Variants in GALNTL6 observed in about 807,000 individuals in gnomAD.
GALNTL6 encodes the protein polypeptide N-acetylgalactosaminyltransferase like 6, also known as polypeptide N-acetylgalactosaminyltransferase-like 6.
A neutral mutation model predicts 73.7 loss-of-function variants in GALNTL6; 46 were observed. That is an observed-to-expected ratio of 0.62 (90% confidence interval 0.49 to 0.80). The LOEUF is 0.80. Ranked by LOEUF, GALNTL6 falls within the 30% of genes least tolerant of loss-of-function variation. The pLI is 0.00. For synonymous variants in GALNTL6, 259 were observed against 263.7 expected (o/e 0.98, Z 0.17); for missense variants, 604 against 755.0 (o/e 0.80, Z 2.34).
intron 2 of GALNTL6, among the ~76,000 whole-genome samples, chr4:172,056,488 C>T (rs547970664): frequency 6.6e-6 from 1 of 152,040 alleles, no homozygotes; most frequent in East Asian, 1.9e-4. Flanking sequence ...AGAGTACATA[C>T]GATGAATAAA....
chr4:172,634,527 G>A (rs1739561846), intron 5 of GALNTL6, among the ~76,000 whole-genome samples: 1 of 151,934 alleles, frequency 6.6e-6, no homozygotes, highest in South Asian at 2.1e-4. Context: ...TTATTTCTTA[G>A]CCTGGGTCCC....
At chr4:172,530,370 C>T (rs946563626) in intron 5 of GALNTL6, among the ~76,000 whole-genome samples, 16 of 152,176 alleles carry the variant, frequency 1.1e-4, no homozygotes, top group African/African-American at 3.9e-4. Context: ...CGCCTACCTT[C>T]TCTGTTCCTG....
intron 8 of GALNTL6, among the ~76,000 whole-genome samples, chr4:172,890,881 G>T (rs1251079212): frequency 6.6e-6 from 1 of 152,080 alleles, no homozygotes; most frequent in Non-Finnish European, 1.5e-5. Flanking sequence ...TCAATGTTTG[G>T]TGCATATAGA....
chr4:172,091,797 C>A (rs1732211756), intron 2 of GALNTL6, among the ~76,000 whole-genome samples: 1 of 151,962 alleles, frequency 6.6e-6, no homozygotes, highest in Non-Finnish European at 1.5e-5. Context: ...GCATATTTTA[C>A]AAAATTTCTG....
intron 5 of GALNTL6, among the ~76,000 whole-genome samples, chr4:172,468,372 G>T (rs1732917468): frequency 6.6e-6 from 1 of 152,110 alleles, no homozygotes; most frequent in Non-Finnish European, 1.5e-5. Context: ...GCTATATTTT[G>T]CTTAAGACTA....
chr4:172,130,239 G>A (rs76253379), intron 2 of GALNTL6, among the ~76,000 whole-genome samples: 2 of 146,126 alleles, frequency 1.4e-5, no homozygotes, highest in East Asian at 4.0e-4. Context: ...CAAGGTTGTG[G>A]TTTCCAGGCT....
chr4:172,074,551 C>CTT (rs71592047), intron 2 of GALNTL6, among the ~76,000 whole-genome samples: 11 of 150,204 alleles, frequency 7.3e-5, no homozygotes, highest in African/African-American at 1.2e-4. Flanking sequence ...GCTTTACAAA[C>CTT]TTTTTTTTTT....
intron 2 of GALNTL6, among the ~76,000 whole-genome samples, chr4:171,990,444 A>G (rs1740301021): frequency 6.6e-6 from 1 of 152,162 alleles, no homozygotes; most frequent in South Asian, 2.1e-4. Flanking sequence ...TGTGAACCCA[A>G]ACAGTGGGTT....
intron 5 of GALNTL6, among the ~76,000 whole-genome samples, chr4:172,629,946 A>T (rs1376639550): frequency 6.6e-6 from 1 of 152,162 alleles, no homozygotes; most frequent in Non-Finnish European, 1.5e-5. Context: ...TATTAGCAAT[A>T]TATTGTAAGA....
intron 7 of GALNTL6, among the ~76,000 whole-genome samples, chr4:172,874,695 C>G (rs1056478462): frequency 1.3e-5 from 2 of 152,098 alleles, no homozygotes; most frequent in Non-Finnish European, 2.9e-5. Context: ...ATTTGGGAAA[C>G]TGGGAGAGGA....
chr4:172,150,929 T>C (rs867845275), intron 2 of GALNTL6, among the ~76,000 whole-genome samples: 54 of 152,304 alleles, frequency 3.5e-4, no homozygotes, highest in African/African-American at 1.2e-3. Flanking sequence ...TGTTATAAAA[T>C]AAATAAAGTT....
At chr4:172,102,030 A>T (rs1479546820) in intron 2 of GALNTL6, among the ~76,000 whole-genome samples, 1 of 152,150 alleles carries the variant, frequency 6.6e-6, no homozygotes, top group Admixed American at 6.5e-5. Flanking sequence ...AATTAAAAGG[A>T]ATATATCTGT....
At position 172,108,325 on chromosome 4, in the gene GALNTL6, A is replaced by G. The variant is rs191595330; in HGVS notation, c.139-121331A>G. 6.6e-5 allele frequency among the ~76,000 whole-genome samples: 10 copies of G among 152,306 alleles called. No individual in the cohort carries two copies. The East Asian group carries it at 1.7e-3, about 26-fold the overall frequency. ...GGTTCTCTCTATAATAATAACCAATAGGTATAAAGAGATTTACTATAAAGA... is the reference window on the plus strand; with the variant it reads ...GGTTCTCTCTATAATAATAACCAATGGGTATAAAGAGATTTACTATAAAGA... On this transcript the variant is annotated intron_variant, in intron 2 of 12. Coordinates refer to ENST00000506823, the MANE Select transcript of GALNTL6 (RefSeq NM_001034845.3).
rs572352471 is a variant in GALNTL6 at position 172,729,693 on chromosome 4, C to T, written c.554-79668C>T. Reference sequence around the variant, plus strand: ...GAGGCGACCAACTTTGTTAATTTTGCACAGGATTGCTTTGGCTATTAAGGG... The same window carrying T: ...GAGGCGACCAACTTTGTTAATTTTGTACAGGATTGCTTTGGCTATTAAGGG... On this transcript the variant is annotated intron_variant, in intron 5 of 12. Transcript: ENST00000506823. 6.8e-4 allele frequency among the ~76,000 whole-genome samples: 103 copies of T among 152,198 alleles called. 1 individual carries two copies. The highest frequency in any genetic ancestry group is 9.6e-4 in the Non-Finnish European group (65 of 67,998).
At chr4:171,931,170 A>G (rs1460658314) in intron 2 of GALNTL6, among the ~76,000 whole-genome samples, 1 of 152,146 alleles carries the variant, frequency 6.6e-6, no homozygotes, top group African/African-American at 2.4e-5. Context: ...AGTGTCTTAC[A>G]CTTTTATTTC....
chr4:172,490,120 G>T (rs1406921376), intron 5 of GALNTL6, among the ~76,000 whole-genome samples: 1 of 152,078 alleles, frequency 6.6e-6, no homozygotes, highest in East Asian at 1.9e-4. Flanking sequence ...GTTTTTAAAT[G>T]GATGAATAAT....
chr4:172,341,881 G>A (rs1561035510), intron 4 of GALNTL6, among the ~76,000 whole-genome samples: 1 of 152,084 alleles, frequency 6.6e-6, no homozygotes, highest in South Asian at 2.1e-4. Context: ...CAAGTAGAAA[G>A]GTAAATATGG....
chr4:173,035,716 T>G (rs1043287341), intron 12 of GALNTL6, among the ~76,000 whole-genome samples: 13 of 152,260 alleles, frequency 8.5e-5, no homozygotes, highest in South Asian at 2.1e-4. Flanking sequence ...TTCAGAGCCA[T>G]AGATACCTTC....
rs116435749 is a variant in GALNTL6 at position 172,963,391 on chromosome 4, C to T, written c.1371+11133C>T. 6.8e-3 allele frequency among the ~76,000 whole-genome samples: 1,041 copies of T among 152,234 alleles called. 8 individuals are homozygous for T. Among genetic ancestry groups the T allele is most frequent in the African/African-American group, 0.024 (990 of 41,538 alleles). On this transcript the variant is annotated intron_variant, in intron 10 of 12. Transcript: ENST00000506823. The stretch of plus-strand genomic sequence containing the variant: ...CTCCTTTATTTTTCTCCCTAGCATC[C>T]ATCACTATATAACAAGCCATGTAAT...
Sources: gnomAD v4.1 joint callset for allele counts (sites outside exome capture counted in the v4.1 genomes callset) on GRCh38, gnomAD v4.1.1 for gene constraint, MANE v1.5 for transcripts, NCBI Gene and HGNC (gene_info 2026-07-23, HGNC 2026-07-21) for gene names.